STXBP5: variants seen among roughly 807,000 people sequenced by gnomAD.
The protein encoded by STXBP5 is syntaxin-binding protein 5.
In STXBP5, 50 loss-of-function variants were observed where a neutral mutation model predicts 152.4. That is an observed-to-expected ratio of 0.33 (90% CI 0.26 to 0.42). The LOEUF is 0.42. Among genes scored for constraint, STXBP5 ranks in the 10% least tolerant of loss-of-function variants. The pLI is 1.00. For missense variants in STXBP5, 1,167 were observed against 1,388.6 expected (o/e 0.84, Z 2.54); for synonymous variants, 492 against 494.7 (o/e 0.99, Z 0.07).
chr6:147,229,629 G>A (rs1353540990), intron 2 of STXBP5, among the ~76,000 whole-genome samples: 1 of 151,774 alleles, frequency 6.6e-6, no homozygotes, highest in Non-Finnish European at 1.5e-5. Flanking sequence ...TCCTTATGAT[G>A]TTATTGTAAG....
At chr6:147,318,127 G>A (rs552692242) in intron 16 of STXBP5, among the ~76,000 whole-genome samples, 3 of 152,110 alleles carry the variant, frequency 2.0e-5, no homozygotes, top group Non-Finnish European at 4.4e-5. Context: ...CAGAGATCCA[G>A]CAGTATAAAA....
chr6:147,342,155 A>G (rs1437277557), intron 21 of STXBP5, among the ~76,000 whole-genome samples: 3 of 152,162 alleles, frequency 2.0e-5, no homozygotes, highest in Non-Finnish European at 4.4e-5. Context: ...GCCCTGTTCT[A>G]TCTACACAAT....
chr6:147,271,748 A>G (rs939139971), intron 7 of STXBP5, among the ~76,000 whole-genome samples: 1 of 152,164 alleles, frequency 6.6e-6, no homozygotes, highest in Non-Finnish European at 1.5e-5. Context: ...GATTAAATCT[A>G]TAGTAAGCTG....
chr6:147,243,834 C>G (rs529255756), intron 4 of STXBP5, among the ~76,000 whole-genome samples: 67 of 151,328 alleles, frequency 4.4e-4, no homozygotes, highest in African/African-American at 1.5e-3. Flanking sequence ...CCAGTTGTTC[C>G]AGAACCATTT....
intron 2 of STXBP5, among the ~76,000 whole-genome samples, chr6:147,233,453 TTATG>T (rs1398367046): frequency 1.3e-5 from 2 of 151,778 alleles, no homozygotes; most frequent in African/African-American, 4.8e-5. Context: ...ATTAGCAATA[TTATG>T]TATGTTTTGT....
At chr6:147,291,377 C>T (rs1781269250) in intron 9 of STXBP5, among the ~76,000 whole-genome samples, 1 of 152,020 alleles carries the variant, frequency 6.6e-6, no homozygotes, top group Non-Finnish European at 1.5e-5. Flanking sequence ...AGTAGTTTTA[C>T]ACATTATCTT....
At chr6:147,315,460 C>G in intron 14 of STXBP5, 55 bp from the exon 15 acceptor site, 1 of 1,219,492 alleles carries the variant, frequency 8.2e-7, no homozygotes, top group Non-Finnish European at 1.2e-6. Context: ...TAAATGTTAC[C>G]TTATGTTTGA....
intron 16 of STXBP5, 136 bp downstream of exon 16, chr6:147,316,543 A>C: frequency 2.6e-6 from 2 of 773,874 alleles, no homozygotes; most frequent in Non-Finnish European, 3.8e-6. Context: ...GTGTTTTGCT[A>C]TGGTTAGTCC....
chr6:147,287,041 A>G (rs1390966004), intron 8 of STXBP5, among the ~76,000 whole-genome samples: 1 of 151,022 alleles, frequency 6.6e-6, no homozygotes, highest in East Asian at 1.9e-4. Context: ...AGTACATACT[A>G]GATATATATA....
intron 2 of STXBP5, among the ~76,000 whole-genome samples, chr6:147,211,382 A>G (rs1452729120): frequency 6.6e-6 from 1 of 152,084 alleles, no homozygotes; most frequent in Non-Finnish European, 1.5e-5. Flanking sequence ...TGTAATAATA[A>G]TGTATGTGAA....
At chr6:147,235,128 A>G (rs1193933103) in intron 2 of STXBP5, 122 bp from the exon 3 acceptor site, 1 of 728,442 alleles carries the variant, frequency 1.4e-6, no homozygotes, top group Non-Finnish European at 2.2e-6. Context: ...CTAAATCTCA[A>G]CTTCAGTAAA....
chr6:147,276,733 A>C (rs1186875152), intron 7 of STXBP5, among the ~76,000 whole-genome samples: 1 of 152,136 alleles, frequency 6.6e-6, no homozygotes, highest in Admixed American at 6.5e-5. Context: ...TGTCATATGT[A>C]TATGTCAGTT....
At chr6:147,206,413 A>G (rs972004635) in intron 2 of STXBP5, among the ~76,000 whole-genome samples, 12 of 152,214 alleles carry the variant, frequency 7.9e-5, no homozygotes, top group African/African-American at 2.9e-4. Context: ...GATGAGGTTT[A>G]AAGACAATTA....
intron 16 of STXBP5, among the ~76,000 whole-genome samples, chr6:147,324,521 C>T (rs900006080): frequency 3.3e-5 from 5 of 151,982 alleles, no homozygotes; most frequent in Admixed American, 6.5e-5. Context: ...CTGCCCTTCT[C>T]GGCTTCCCAA....
intron 27 of STXBP5, among the ~76,000 whole-genome samples, chr6:147,384,301 C>G (rs1175229263): frequency 6.6e-6 from 1 of 152,054 alleles, no homozygotes; most frequent in Non-Finnish European, 1.5e-5. Flanking sequence ...TGACTGAAAT[C>G]AAGTAGGAAA....
Position 147,311,306 on chromosome 6 carries a change from G to A in STXBP5, c.1073-149G>A, listed in dbSNP as rs183689322. The A allele has an allele frequency of 8.0e-4, 547 of 679,676 alleles. 18 individuals carry two copies. In the Admixed American group the frequency reaches 0.016, roughly 19 times the overall value. The allele number at this position is 679,676 out of a possible 1,614,324, so 42.1% of individuals were successfully genotyped here. A position where few individuals can be genotyped will look rare whatever the true frequency, so the allele number is the denominator to read the frequency against. On this transcript the variant is annotated intron_variant, in intron 10 of 27. Transcript: ENST00000321680. ...ATAGATGATCTCATAAAACTTACTA[G>A]CCTTAAATAACATGCATGAAGTATC...
At chr6:147,374,743 G>C (rs1785727806) in intron 26 of STXBP5, among the ~76,000 whole-genome samples, 1 of 152,168 alleles carries the variant, frequency 6.6e-6, no homozygotes, top group Non-Finnish European at 1.5e-5. Context: ...GCAGTACTTT[G>C]CTAATGAGGC....
chr6:147,281,544 TCTAG>T (rs1170929310), intron 8 of STXBP5, among the ~76,000 whole-genome samples: 4 of 152,236 alleles, frequency 2.6e-5, no homozygotes, highest in Admixed American at 1.3e-4. Flanking sequence ...GCTCTTAATT[TCTAG>T]CCAAACAGTT....
chr6:147,251,195 C>T (rs1240176821), intron 4 of STXBP5, among the ~76,000 whole-genome samples: 2 of 152,084 alleles, frequency 1.3e-5, no homozygotes, highest in Non-Finnish European at 2.9e-5. Flanking sequence ...TCGGGAAACT[C>T]CCTCCCCTAG....
Sources: gnomAD v4.1 joint callset for allele counts (sites outside exome capture counted in the v4.1 genomes callset) on GRCh38, gnomAD v4.1.1 for gene constraint, MANE v1.5 for transcripts, NCBI Gene and HGNC (gene_info 2026-07-23, HGNC 2026-07-21) for gene names.